USP12: variants seen among roughly 807,000 people sequenced by gnomAD.
USP12 encodes the protein ubiquitin specific peptidase 12.
Under a neutral mutation model 45.5 loss-of-function variants are expected in USP12, and 19 were observed. That is an observed-to-expected ratio of 0.42 (90% CI 0.29 to 0.61). The LOEUF (loss-of-function observed/expected upper bound fraction) is 0.61, where lower values mean the gene tolerates loss of function less well. Among genes scored for constraint, USP12 ranks in the 20% least tolerant of loss-of-function variants. The pLI is 0.22. For missense variants in USP12, 242 were observed against 447.7 expected, an observed-to-expected ratio of 0.54 and a Z score of 4.15; for synonymous variants, 149 against 148.8, an observed-to-expected ratio of 1.00 and a Z score of -0.01.
At chr13:27,102,014 T>TGAAC (rs71083631) in intron 3 of USP12, among the ~76,000 whole-genome samples, 65,257 of 146,094 alleles carry the variant, frequency 0.45, 15,597 homozygotes, top group East Asian at 0.8. Context: ...CATTTTTTAA[T>TGAAC]GAATGAATGA....
At chr13:27,148,116 G>A (rs974506061) in intron 1 of USP12, among the ~76,000 whole-genome samples, 4 of 138,590 alleles carry the variant, frequency 2.9e-5, no homozygotes, top group African/African-American at 8.0e-5. Context: ...GCAACAGAGC[G>A]AGACCTATCT....
intron 4 of USP12, among the ~76,000 whole-genome samples, chr13:27,095,096 A>C (rs1377011445): frequency 2.6e-5 from 4 of 152,204 alleles, no homozygotes; most frequent in Non-Finnish European, 2.9e-5. Flanking sequence ...TCGAGGCTAC[A>C]GTGAGCTGAG....
chr13:27,071,647 AACTTC>A (rs1033989170), intron 7 of USP12, among the ~76,000 whole-genome samples: 2 of 152,176 alleles, frequency 1.3e-5, no homozygotes, highest in African/African-American at 4.8e-5. Flanking sequence ...ATCAAGCCTG[AACTTC>A]ATAAAATGTC....
intron 6 of USP12, among the ~76,000 whole-genome samples, chr13:27,082,127 C>A (rs1234172404): frequency 6.6e-6 from 1 of 151,976 alleles, no homozygotes. Context: ...TCACTTCTCT[C>A]TAGCTATGAC....
chr13:27,139,259 ATTCCTACAACTGTAATT>A (rs1439465305), intron 1 of USP12, among the ~76,000 whole-genome samples: 3 of 152,208 alleles, frequency 2.0e-5, no homozygotes, highest in Non-Finnish European at 4.4e-5. Context: ...TATACCCTAT[ATTCCTACAACTGTAATT>A]TTCCTACAGC....
chr13:27,142,659 CA>C (rs1311821299), intron 1 of USP12, among the ~76,000 whole-genome samples: 2 of 152,006 alleles, frequency 1.3e-5, no homozygotes, highest in African/African-American at 4.8e-5. Flanking sequence ...CAAGATTTAT[CA>C]AAAAAATTAC....
In USP12 at chr13:27,108,277, G is replaced by GC. The variant is rs1246168266; in HGVS notation, c.130-2334dup. Among the ~76,000 whole-genome samples, 309 of 151,774 alleles carry GC rather than the reference G, an allele frequency of 2.0e-3. 5 individuals are homozygous for GC. Among genetic ancestry groups the GC allele is most frequent in the East Asian group, 1.4e-3 (7 of 5,174 alleles). ...AAATCATCATTCTCAGGAAACTATC[G>GC]CAAGGACAAAAAACCAAACACCGCA... On this transcript the variant is annotated intron_variant, in intron 2 of 8. Transcript: ENST00000282344.
In USP12 at chr13:27,072,505, T is replaced by C. The variant is rs189325565; in HGVS notation, c.933-1356A>G. Among the ~76,000 whole-genome samples the C allele has an allele frequency of 6.0e-3, 921 of 152,316 alleles. 5 individuals are homozygous for C. Among genetic ancestry groups the C allele is most frequent in the Middle Eastern group, 0.017 (5 of 294 alleles). On this transcript the variant is annotated intron_variant, in intron 7 of 8. Coordinates refer to ENST00000282344, the MANE Select transcript of USP12 (RefSeq NM_182488.4). ...ATTTCTGGACATTAAACACACTCAG[T>C]TGAGTAGATACAAATGCGTAAGGTA...
chr13:27,107,144 G>A (rs1218116329), intron 2 of USP12, among the ~76,000 whole-genome samples: 3 of 152,096 alleles, frequency 2.0e-5, no homozygotes, highest in Non-Finnish European at 2.9e-5. Flanking sequence ...GATCAACATG[G>A]TGAAACCCCA....
intron 2 of USP12, among the ~76,000 whole-genome samples, chr13:27,108,062 T>C (rs1422692492): frequency 3.9e-5 from 6 of 152,166 alleles, no homozygotes; most frequent in Non-Finnish European, 2.9e-5. Context: ...CAAATCATGC[T>C]GCTATAAAGA....
chr13:27,083,935 G>C (rs1873882666), intron 6 of USP12, among the ~76,000 whole-genome samples: 1 of 150,974 alleles, frequency 6.6e-6, no homozygotes, highest in Non-Finnish European at 1.5e-5. Context: ...CGCAATCTCG[G>C]CTCACTGCAA....
chr13:27,114,341 A>G (rs1875610397), intron 2 of USP12, among the ~76,000 whole-genome samples: 1 of 152,214 alleles, frequency 6.6e-6, no homozygotes, highest in African/African-American at 2.4e-5. Flanking sequence ...ATATAAAAGG[A>G]AAAAAGGCAA....
chr13:27,170,601 A>G lies in USP12; in HGVS notation c.48+991T>C, dbSNP rs866195532. 2.0e-5 allele frequency among the ~76,000 whole-genome samples: 3 copies of G among 152,220 alleles called. No individual in the cohort carries two copies. In the South Asian group the frequency reaches 6.2e-4, roughly 31 times the overall value. On this transcript the variant is annotated intron_variant, in intron 1 of 8. Transcript: ENST00000282344. Reference sequence around the variant, plus strand: ...ACTGTGGTCCTTCTGGCCACGCACAAAACACCAAGTTTTAAACGCGCCCAC... The same window carrying G: ...ACTGTGGTCCTTCTGGCCACGCACAGAACACCAAGTTTTAAACGCGCCCAC...
rs186407852 is a variant in USP12, at chr13:27,078,916, C to T, written c.735-3528G>A. Reference sequence around the variant, plus strand: ...TATACACATTCTTCTCAAGTTCAACCGAAACATTCACTAATGTACTGGACA... The same window carrying T: ...TATACACATTCTTCTCAAGTTCAACTGAAACATTCACTAATGTACTGGACA... On this transcript the variant is annotated intron_variant, in intron 6 of 8. Transcript: ENST00000282344. Among the ~76,000 whole-genome samples the T allele has an allele frequency of 6.0e-3, 913 of 151,852 alleles. 3 individuals are homozygous for T. Among genetic ancestry groups the T allele is most frequent in the Middle Eastern group, 0.017 (5 of 294 alleles).
chr13:27,141,991 G>A lies in USP12; in HGVS notation c.49-25395C>T, dbSNP rs576365733. Reference sequence around the variant, plus strand: ...TTAGTTGGGCGTGGTACATGATGGCGTGTGCCTGCAGTCCCAGCCACTTGC... The same window carrying A: ...TTAGTTGGGCGTGGTACATGATGGCATGTGCCTGCAGTCCCAGCCACTTGC... On this transcript the variant is annotated intron_variant, in intron 1 of 8. Transcript: ENST00000282344. Among the ~76,000 whole-genome samples the A allele has an allele frequency of 9.8e-5, 14 of 143,176 alleles. No individual in the cohort carries two copies. In the South Asian group the frequency reaches 2.1e-3, roughly 21 times the overall value. The allele number at this position is 143,176 out of a possible 152,430, so 93.9% of individuals were successfully genotyped here. A position where few individuals can be genotyped will look rare whatever the true frequency, so the allele number is the denominator to read the frequency against.
chr13:27,097,738 TACA>T (rs1013337166), intron 3 of USP12, among the ~76,000 whole-genome samples: 21 of 152,304 alleles, frequency 1.4e-4, no homozygotes, highest in African/African-American at 4.8e-4. Flanking sequence ...GTGCTTAGAA[TACA>T]ACAATAGGTT....
At chr13:27,150,432 G>A (rs1383900678) in intron 1 of USP12, among the ~76,000 whole-genome samples, 5 of 152,104 alleles carry the variant, frequency 3.3e-5, no homozygotes, top group Admixed American at 2.6e-4. Flanking sequence ...ATTACTAAAA[G>A]AAATTAAAGG....
At chr13:27,108,302 A>G (rs372772860) in intron 2 of USP12, among the ~76,000 whole-genome samples, 1 of 151,834 alleles carries the variant, frequency 6.6e-6, no homozygotes, top group Non-Finnish European at 1.5e-5. Context: ...CAAACACCGC[A>G]TGTTCTTACT....
At chr13:27,099,861 T>C (rs1054334072) in intron 3 of USP12, among the ~76,000 whole-genome samples, 1 of 152,222 alleles carries the variant, frequency 6.6e-6, no homozygotes, top group South Asian at 2.1e-4. Flanking sequence ...CCCCATGTTA[T>C]GTTTAAAAAC....
Sources: gnomAD v4.1 joint callset for allele counts (sites outside exome capture counted in the v4.1 genomes callset) on GRCh38, gnomAD v4.1.1 for gene constraint, MANE v1.5 for transcripts, NCBI Gene and HGNC (gene_info 2026-07-23, HGNC 2026-07-21) for gene names.